Variants in RYR2 observed in about 807,000 individuals in gnomAD.
RYR2 encodes cardiac muscle ryanodine receptor-calcium release channel.
In RYR2, 227 loss-of-function variants were observed where a neutral mutation model predicts 601.1. That is an observed-to-expected ratio of 0.38 (90% confidence interval 0.34 to 0.42). The LOEUF (loss-of-function observed/expected upper bound fraction) is 0.42, where lower values mean the gene tolerates loss of function less well. Ranked by LOEUF, RYR2 falls within the 10% of genes least tolerant of loss-of-function variation. The pLI, the probability that RYR2 is intolerant of heterozygous loss-of-function variation, is 1.00. For synonymous variants in RYR2, 2,223 were observed against 2,175.1 expected, an observed-to-expected ratio of 1.02 and a Z score of -0.61; for missense variants, 4,646 against 6,156.5, an observed-to-expected ratio of 0.75 and a Z score of 8.21.
chr1:237,286,543 G>T, intron 2 of RYR2, among the ~76,000 whole-genome samples: 1 of 9,972 alleles, frequency 1.0e-4, no homozygotes. Context: ...CCAATGTGTA[G>T]TTTAAATCCA....
chr1:237,220,862 G>A (rs1225738834), intron 1 of RYR2, among the ~76,000 whole-genome samples: 1 of 152,110 alleles, frequency 6.6e-6, no homozygotes, highest in East Asian at 1.9e-4. Flanking sequence ...GCTGAGGTGG[G>A]CAGATCACTT....
chr1:237,758,652 C>T (rs1693158425), intron 82 of RYR2, among the ~76,000 whole-genome samples: 1 of 152,202 alleles, frequency 6.6e-6, no homozygotes, highest in African/African-American at 2.4e-5. Context: ...AAGATTACTA[C>T]TAAAATTTAG....
chr1:237,764,728 T>C (rs1693712816), intron 84 of RYR2, among the ~76,000 whole-genome samples: 1 of 152,152 alleles, frequency 6.6e-6, no homozygotes, highest in Admixed American at 6.5e-5. Flanking sequence ...ATTACAGGCA[T>C]GAGCCACCAC....
At chr1:237,420,498 C>T (rs972159567) in intron 11 of RYR2, among the ~76,000 whole-genome samples, 12 of 151,010 alleles carry the variant, frequency 7.9e-5, no homozygotes, top group African/African-American at 1.7e-4. Flanking sequence ...TTAGTTTTTA[C>T]TACATATGAT....
chr1:237,199,680 A>C (rs1213559772), intron 1 of RYR2, among the ~76,000 whole-genome samples: 1 of 152,158 alleles, frequency 6.6e-6, no homozygotes, highest in East Asian at 1.9e-4. Flanking sequence ...CAGTCCTATC[A>C]AGTTGACACT....
chr1:237,170,370 A>G (rs10449289), intron 1 of RYR2, among the ~76,000 whole-genome samples: 52,688 of 151,948 alleles, frequency 0.35, 9,275 homozygotes, highest in East Asian at 0.51. Flanking sequence ...GGGAGTCTGC[A>G]TATCCACTGT....
Position 237,472,912 on chromosome 1 carries a change from CA to C in RYR2, c.1708+3728del, listed in dbSNP as rs1426403673. Among the ~76,000 whole-genome samples, 52 of 151,902 alleles carry C rather than the reference CA, an allele frequency of 3.4e-4. 1 individual carries two copies. The highest frequency in any genetic ancestry group is 1.5e-4 in the Non-Finnish European group (10 of 67,992). On this transcript the variant is annotated intron_variant, in intron 17 of 104. Transcript: ENST00000366574. ...GCTTGTCAAAACTTGTGATAAATAGCAAATGGGAAGTCATTAGACCCAAAGG... is the reference window on the plus strand; with the variant it reads ...GCTTGTCAAAACTTGTGATAAATAGCAATGGGAAGTCATTAGACCCAAAGG...
At chr1:237,375,600 A>G (rs1040918566) in intron 7 of RYR2, among the ~76,000 whole-genome samples, 6 of 152,210 alleles carry the variant, frequency 3.9e-5, no homozygotes, top group African/African-American at 1.4e-4. Context: ...AAAGGTGAAA[A>G]CAAAGCTATG....
chr1:237,190,249 G>A (rs556974681), intron 1 of RYR2, among the ~76,000 whole-genome samples: 4 of 152,088 alleles, frequency 2.6e-5, no homozygotes, highest in Non-Finnish European at 5.9e-5. Flanking sequence ...GTAGTGTTCT[G>A]ATTTCTCTGC....
chr1:237,762,200 T>C (rs1470551385), intron 84 of RYR2, among the ~76,000 whole-genome samples: 1 of 152,176 alleles, frequency 6.6e-6, no homozygotes, highest in Non-Finnish European at 1.5e-5. Flanking sequence ...GACACCATTC[T>C]ATAACTTCTT....
intron 29 of RYR2, among the ~76,000 whole-genome samples, chr1:237,587,314 A>G (rs1018941363): frequency 1.3e-5 from 2 of 151,784 alleles, no homozygotes; most frequent in African/African-American, 4.8e-5. Flanking sequence ...TGTCCACACC[A>G]CTCTTACAAA....
intron 2 of RYR2, among the ~76,000 whole-genome samples, chr1:237,284,329 G>A (rs987468308): frequency 2.7e-5 from 4 of 149,606 alleles, no homozygotes; most frequent in African/African-American, 2.5e-5. Flanking sequence ...GCAGTGAGTC[G>A]AGATTGCGCC....
intron 26 of RYR2, among the ~76,000 whole-genome samples, chr1:237,549,991 T>C (rs1351221252): frequency 1.3e-5 from 2 of 152,210 alleles, no homozygotes; most frequent in Non-Finnish European, 2.9e-5. Flanking sequence ...AGACAAGTTA[T>C]GGGTTTCATA....
intron 1 of RYR2, among the ~76,000 whole-genome samples, chr1:237,226,302 C>T (rs1181473463): frequency 2.0e-5 from 3 of 152,174 alleles, no homozygotes; most frequent in Admixed American, 6.5e-5. Context: ...AAAATGCATT[C>T]CTCTGGACCA....
intron 47 of RYR2, 95 bp downstream of exon 47, chr1:237,641,097 A>C: frequency 1.4e-6 from 1 of 715,526 alleles, no homozygotes; most frequent in African/African-American, 1.8e-5. Context: ...AAAACCAATA[A>C]TCTTCATGCT....
At chr1:237,238,732 T>C (rs1420423716) in intron 1 of RYR2, among the ~76,000 whole-genome samples, 1 of 152,222 alleles carries the variant, frequency 6.6e-6, no homozygotes, top group African/African-American at 2.4e-5. Flanking sequence ...AGGTCAATAA[T>C]AGACCTGTGG....
intron 17 of RYR2, among the ~76,000 whole-genome samples, chr1:237,484,053 T>C (rs892752397): frequency 6.6e-6 from 1 of 152,188 alleles, no homozygotes; most frequent in Non-Finnish European, 1.5e-5. Context: ...CAATTCCTAC[T>C]AATTAGCACT....
At chr1:237,719,048 G>A (rs1458616743) in intron 73 of RYR2, among the ~76,000 whole-genome samples, 1 of 152,094 alleles carries the variant, frequency 6.6e-6, no homozygotes, top group East Asian at 1.9e-4. Flanking sequence ...CAAATCACTT[G>A]AGCCCAAGAG....
intron 56 of RYR2, among the ~76,000 whole-genome samples, chr1:237,662,068 A>G (rs1237131209): frequency 5.3e-5 from 8 of 152,096 alleles, no homozygotes; most frequent in Non-Finnish European, 1.2e-4. Flanking sequence ...TTTTTGAAAA[A>G]AAAATGAGGG....
Sources: allele counts gnomAD v4.1 joint callset (sites outside exome capture counted in the v4.1 genomes callset), GRCh38; gene constraint gnomAD v4.1.1; transcripts MANE v1.5; gene names NCBI Gene and HGNC (gene_info 2026-07-23, HGNC 2026-07-21).